The following EFNA5 variants were observed in gnomAD, a reference collection of about 807,000 sequenced individuals.
EFNA5 encodes ephrin A5, also known as ephrin-A5.
EFNA5 carries 5 observed loss-of-function variants against 22.9 expected under a neutral mutation model. The observed-to-expected ratio is 0.22, with a 90% confidence interval of 0.11 to 0.46. The LOEUF (loss-of-function observed/expected upper bound fraction) is 0.46, where lower values mean the gene tolerates loss of function less well. EFNA5 is among the 20% of genes least tolerant of loss of function. EFNA5 has a pLI of 0.99. For missense variants in EFNA5, 237 were observed against 293.3 expected, an observed-to-expected ratio of 0.81 and a Z score of 1.40; for synonymous variants, 113 against 112.2, an observed-to-expected ratio of 1.01 and a Z score of -0.04.
At chr5:107,536,671 C>T (rs760349788) in intron 1 of EFNA5, among the ~76,000 whole-genome samples, 2 of 152,140 alleles carry the variant, frequency 1.3e-5, no homozygotes, top group Non-Finnish European at 2.9e-5. Flanking sequence ...CAAACAGGAG[C>T]TCAAAGTCTT....
chr5:107,668,935 A>T (rs1751125593), intron 1 of EFNA5, among the ~76,000 whole-genome samples: 1 of 152,066 alleles, frequency 6.6e-6, no homozygotes, highest in African/African-American at 2.4e-5. Flanking sequence ...ACCCACCTCC[A>T]GGAGACTCTT....
At chr5:107,612,433 T>C (rs1749835693) in intron 1 of EFNA5, among the ~76,000 whole-genome samples, 1 of 152,020 alleles carries the variant, frequency 6.6e-6, no homozygotes, top group Admixed American at 6.6e-5. Flanking sequence ...TGCTAGAAAC[T>C]GCAATCATCA....
chr5:107,653,347 T>A (rs962919154), intron 1 of EFNA5, among the ~76,000 whole-genome samples: 28 of 152,162 alleles, frequency 1.8e-4, no homozygotes, highest in African/African-American at 6.5e-4. Flanking sequence ...CAGCTGGCTT[T>A]GTAGTCAGCT....
chr5:107,403,641 G>A (rs996022406), intron 2 of EFNA5, among the ~76,000 whole-genome samples: 19 of 152,094 alleles, frequency 1.2e-4, no homozygotes, highest in Non-Finnish European at 4.4e-5. Context: ...GTCCTTTGCC[G>A]CATATTGAAC....
At chr5:107,431,906 T>A (rs957924708) in intron 1 of EFNA5, among the ~76,000 whole-genome samples, 1 of 152,210 alleles carries the variant, frequency 6.6e-6, no homozygotes, top group South Asian at 2.1e-4. Flanking sequence ...GAGGGCATTG[T>A]CCAACTTTTT....
At chr5:107,423,530 C>A (rs1748726638) in intron 2 of EFNA5, among the ~76,000 whole-genome samples, 1 of 151,930 alleles carries the variant, frequency 6.6e-6, no homozygotes, top group Admixed American at 6.6e-5. Flanking sequence ...GCATGTGCTA[C>A]CATATCCAGC....
rs188948654 is a variant in EFNA5 at position 107,644,683 on chromosome 5, T to C, written c.125+25806A>G. Among the ~76,000 whole-genome samples, 190 of 151,694 alleles carry C rather than the reference T, an allele frequency of 1.3e-3. 2 individuals are homozygous for C. Among genetic ancestry groups the C allele is most frequent in the African/African-American group, 4.4e-3 (182 of 41,526 alleles). Reference sequence around the variant, plus strand: ...TCCTCAACAAATTTTAAGTGACTACTGTCTACTTTTTTCTGTTTTGTTTTT... The same window carrying C: ...TCCTCAACAAATTTTAAGTGACTACCGTCTACTTTTTTCTGTTTTGTTTTT... On this transcript the variant is annotated intron_variant, in intron 1 of 4. Transcript: ENST00000333274.
At chr5:107,633,839 A>C (rs1158010490) in intron 1 of EFNA5, among the ~76,000 whole-genome samples, 1 of 152,160 alleles carries the variant, frequency 6.6e-6, no homozygotes, top group East Asian at 1.9e-4. Flanking sequence ...GCTAAGAATC[A>C]CAGGCCACAG....
At chr5:107,649,442 C>G (rs1481869389) in intron 1 of EFNA5, among the ~76,000 whole-genome samples, 1 of 152,030 alleles carries the variant, frequency 6.6e-6, no homozygotes, top group Non-Finnish European at 1.5e-5. Context: ...ATAGGCTAAT[C>G]GTCAAATGAC....
At chr5:107,577,943 C>G (rs190022617) in intron 1 of EFNA5, among the ~76,000 whole-genome samples, 1 of 152,168 alleles carries the variant, frequency 6.6e-6, no homozygotes, top group Non-Finnish European at 1.5e-5. Context: ...TTATGCCTGA[C>G]AGTTGGCATT....
chr5:107,581,715 C>T (rs184639480), intron 1 of EFNA5, among the ~76,000 whole-genome samples: 3 of 152,296 alleles, frequency 2.0e-5, no homozygotes, highest in African/African-American at 7.2e-5. Flanking sequence ...GTACAGCTGC[C>T]TGCTTAGTGT....
At chr5:107,660,669 C>T (rs1703709428) in intron 1 of EFNA5, among the ~76,000 whole-genome samples, 1 of 152,068 alleles carries the variant, frequency 6.6e-6, no homozygotes, top group African/African-American at 2.4e-5. Context: ...CTGGGTGCTA[C>T]ATTCTCTGAT....
intron 1 of EFNA5, among the ~76,000 whole-genome samples, chr5:107,529,617 A>G (rs940992562): frequency 2.0e-5 from 3 of 152,126 alleles, no homozygotes; most frequent in African/African-American, 7.2e-5. Flanking sequence ...CTGAAATGCA[A>G]CCTTTTTGGT....
chr5:107,555,837 T>C (rs1284150150), intron 1 of EFNA5, among the ~76,000 whole-genome samples: 1 of 152,238 alleles, frequency 6.6e-6, no homozygotes, highest in Non-Finnish European at 1.5e-5. Flanking sequence ...TTTCTCATCT[T>C]TCACCCAGAA....
intron 1 of EFNA5, among the ~76,000 whole-genome samples, chr5:107,596,933 G>A (rs1265146395): frequency 6.6e-6 from 1 of 152,064 alleles, no homozygotes; most frequent in Admixed American, 6.6e-5. Flanking sequence ...TGAATTAGGT[G>A]GATCAGGACC....
At position 107,533,255 on chromosome 5, in the gene EFNA5, C is replaced by T. The variant is rs570991100; in HGVS notation, c.126-105746G>A. On this transcript the variant is annotated intron_variant, in intron 1 of 4. Transcript: ENST00000333274. ...CACCTTCACTGCTCTCGATATGAAGCGGGGGGATCTTTTTTTCAGGTGTGA... is the reference window on the plus strand; with the variant it reads ...CACCTTCACTGCTCTCGATATGAAGTGGGGGGATCTTTTTTTCAGGTGTGA... Among the ~76,000 whole-genome samples, 32 of 152,212 alleles carry T rather than the reference C, an allele frequency of 2.1e-4. No individual in the cohort carries two copies. In the South Asian group the frequency reaches 3.7e-3, roughly 18 times the overall value.
At position 107,460,572 on chromosome 5, in the gene EFNA5, T is replaced by C. The variant is rs116204498; in HGVS notation, c.126-33063A>G. 7.7e-3 allele frequency among the ~76,000 whole-genome samples: 1,180 copies of C among 152,294 alleles called. 17 individuals are homozygous for C. The highest frequency in any genetic ancestry group is 0.026 in the African/African-American group (1,076 of 41,566). ...TCTTAAGGAAGGTATCAGCTGTTTC[T>C]TCACTTTTTTGGTAAAAAATAAATT... On this transcript the variant is annotated intron_variant, in intron 1 of 4. Coordinates refer to ENST00000333274, the MANE Select transcript of EFNA5 (RefSeq NM_001962.3).
chr5:107,581,798 A>C (rs1749077601), intron 1 of EFNA5, among the ~76,000 whole-genome samples: 1 of 152,198 alleles, frequency 6.6e-6, no homozygotes, highest in African/African-American at 2.4e-5. Flanking sequence ...CTTAAGAGAC[A>C]AACTGGCTGT....
chr5:107,638,308 TAGAG>T (rs1327423901), intron 1 of EFNA5, among the ~76,000 whole-genome samples: 2 of 151,974 alleles, frequency 1.3e-5, no homozygotes, highest in Non-Finnish European at 2.9e-5. Flanking sequence ...GTAGAACTCA[TAGAG>T]AGAGAGTAAA....
Sources: gnomAD v4.1 joint callset for allele counts (sites outside exome capture counted in the v4.1 genomes callset) on GRCh38, gnomAD v4.1.1 for gene constraint, MANE v1.5 for transcripts, NCBI Gene and HGNC (gene_info 2026-07-23, HGNC 2026-07-21) for gene names.